The following SDK1 variants were observed in gnomAD, a reference collection of about 807,000 sequenced individuals.
The protein encoded by SDK1 is sidekick cell adhesion molecule 1.
Under a neutral mutation model 245.5 loss-of-function variants are expected in SDK1, and 157 were observed. The observed-to-expected ratio is 0.64, with a 90% CI of 0.56 to 0.73. The LOEUF is 0.73. Among genes scored for constraint, SDK1 ranks in the 30% least tolerant of loss-of-function variants. SDK1 has a pLI of 0.00. For synonymous variants in SDK1, 1,647 were observed against 1,278.5 expected (o/e 1.29, Z -6.15); for missense variants, 3,583 against 3,002.3 (o/e 1.19, Z -4.52).
At chr7:4,222,506 G>C (rs1785202154) in intron 40 of SDK1, among the ~76,000 whole-genome samples, 1 of 152,086 alleles carries the variant, frequency 6.6e-6, no homozygotes, top group Non-Finnish European at 1.5e-5. Context: ...TGTTGGCCAG[G>C]CTGGTCTCAA....
chr7:4,061,763 A>C (rs1374034315), intron 19 of SDK1, among the ~76,000 whole-genome samples: 1 of 152,106 alleles, frequency 6.6e-6, no homozygotes. Context: ...CTGGATTAAG[A>C]AAATGTGGCA....
intron 1 of SDK1, among the ~76,000 whole-genome samples, chr7:3,547,176 T>C (rs1779250684): frequency 6.6e-6 from 1 of 152,192 alleles, no homozygotes; most frequent in Non-Finnish European, 1.5e-5. Context: ...GTTTAGAAAT[T>C]AATGTTGTAA....
At chr7:3,874,201 C>T (rs1034333172) in intron 5 of SDK1, among the ~76,000 whole-genome samples, 3 of 152,120 alleles carry the variant, frequency 2.0e-5, no homozygotes, top group Admixed American at 6.6e-5. Context: ...TCATTCTACT[C>T]GAGGCCTAAG....
At chr7:3,908,197 C>G (rs561299127) in intron 5 of SDK1, among the ~76,000 whole-genome samples, 11 of 152,312 alleles carry the variant, frequency 7.2e-5, no homozygotes, top group African/African-American at 2.6e-4. Context: ...GGGCCGTGCG[C>G]ATAACCCGGA....
chr7:3,553,273 A>G (rs1779473400), intron 1 of SDK1, among the ~76,000 whole-genome samples: 1 of 152,208 alleles, frequency 6.6e-6, no homozygotes, highest in Admixed American at 6.5e-5. Flanking sequence ...TTTTCCAATG[A>G]TGAATCTGAA....
At chr7:3,734,964 G>A (rs73304214) in intron 4 of SDK1, among the ~76,000 whole-genome samples, 19,385 of 151,998 alleles carry the variant, frequency 0.13, 1,845 homozygotes, top group African/African-American at 0.26. Context: ...TTCTCCCGAC[G>A]TGCACATCCC....
chr7:4,073,385 G>A (rs918207691), intron 20 of SDK1, among the ~76,000 whole-genome samples: 20 of 152,150 alleles, frequency 1.3e-4, no homozygotes, highest in Non-Finnish European at 2.5e-4. Flanking sequence ...CTAGCTATCC[G>A]TTTGGTTTTT....
rs984854939 is a variant in SDK1 at position 3,756,881 on chromosome 7, C to T, written c.714-64569C>T. On this transcript the variant is annotated intron_variant, in intron 4 of 44. Coordinates refer to ENST00000404826, the MANE Select transcript of SDK1 (RefSeq NM_152744.4). Reference sequence around the variant, plus strand: ...TTTGATGATATCATATCGGGGGCACCGGTCATCACCATGACTTATTCCTGG... The same window carrying T: ...TTTGATGATATCATATCGGGGGCACTGGTCATCACCATGACTTATTCCTGG... 1.5e-4 allele frequency among the ~76,000 whole-genome samples: 23 copies of T among 152,270 alleles called. 1 individual carries two copies. Among genetic ancestry groups the T allele is most frequent in the Admixed American group, 4.6e-4 (7 of 15,292 alleles).
At chr7:3,699,256 A>T (rs970692027) in intron 4 of SDK1, among the ~76,000 whole-genome samples, 1 of 152,176 alleles carries the variant, frequency 6.6e-6, no homozygotes, top group Admixed American at 6.5e-5. Flanking sequence ...GAATATCTCA[A>T]CTTGAATGAG....
intron 1 of SDK1, among the ~76,000 whole-genome samples, chr7:3,551,483 A>C (rs1779408829): frequency 6.6e-6 from 1 of 152,090 alleles, no homozygotes; most frequent in South Asian, 2.1e-4. Flanking sequence ...TGAGCTGATT[A>C]TGGACACATT....
rs780483912 is a variant in SDK1, at chr7:3,619,250, G to A, written c.458+11G>A. On this transcript the variant is annotated intron_variant, in intron 2 of 44. Coordinates refer to ENST00000404826, the MANE Select transcript of SDK1 (RefSeq NM_152744.4). ...CAGCAGCGAATATAAGTAATTGATC[G>A]CTTGAAAAAATAAGATCCCATTTCA... 1.8e-5 allele frequency: 28 copies of A among 1,587,600 alleles called. No individual in the cohort carries two copies. The highest frequency in any genetic ancestry group is 1.6e-4 in the South Asian group (14 of 89,932).
intron 1 of SDK1, among the ~76,000 whole-genome samples, chr7:3,354,603 A>T (rs1327622042): frequency 6.6e-6 from 1 of 152,224 alleles, no homozygotes; most frequent in Non-Finnish European, 1.5e-5. Context: ...TAATCAGTCT[A>T]CATTTTTTTC....
chr7:4,114,526 A>C (rs1399712237), intron 25 of SDK1, among the ~76,000 whole-genome samples: 1 of 152,224 alleles, frequency 6.6e-6, no homozygotes, highest in East Asian at 1.9e-4. Context: ...CTGTTTTCTA[A>C]ATTAGGGATA....
chr7:3,547,835 T>G (rs1779279017), intron 1 of SDK1, among the ~76,000 whole-genome samples: 1 of 152,214 alleles, frequency 6.6e-6, no homozygotes, highest in Non-Finnish European at 1.5e-5. Context: ...CCTTAAAGGA[T>G]GACTTTTTGC....
At chr7:3,727,843 C>A (rs549230436) in intron 4 of SDK1, among the ~76,000 whole-genome samples, 22 of 152,196 alleles carry the variant, frequency 1.4e-4, no homozygotes, top group African/African-American at 4.8e-4. Context: ...CAAGCGAGGT[C>A]CACCGTTTAT....
chr7:4,245,968 A>G (rs1786828183), intron 44 of SDK1, among the ~76,000 whole-genome samples, 163 bp downstream of exon 44: 1 of 152,184 alleles, frequency 6.6e-6, no homozygotes, highest in African/African-American at 2.4e-5. Flanking sequence ...AAGAGCCGAA[A>G]TTCAACCCCA....
At chr7:4,112,724 C>T (rs79669416) in intron 23 of SDK1, among the ~76,000 whole-genome samples, 1,883 of 151,030 alleles carry the variant, frequency 0.012, 37 homozygotes, top group South Asian at 0.078. Context: ...TCTTTGAAGT[C>T]TTTTAGGGGA....
At chr7:4,221,199 G>T (rs1213834749) in intron 39 of SDK1, 40 bp from the exon 40 acceptor site, 2 of 1,608,836 alleles carry the variant, frequency 1.2e-6, no homozygotes, top group South Asian at 2.2e-5. Context: ...GAGCCCCGCA[G>T]GGCTGATGCC....
rs1182214342 is a variant in SDK1 at position 4,011,037 on chromosome 7, C to G, written c.2203C>G (p.Pro735Ala). Reference protein sequence around the residue: ...MTGVTVSGLTPARTYQFRVCA... With the variant: ...MTGVTVSGLTAARTYQFRVCA... ...AGGCGTCACCGTGAGTGGCCTGACTCCGGCTCGTACCTATCAATTCCGGGT... is the reference window on the plus strand; with the variant it reads ...AGGCGTCACCGTGAGTGGCCTGACTGCGGCTCGTACCTATCAATTCCGGGT... The change falls in exon 15 of 45, where the codon CCG (proline) becomes GCG (alanine). Residue 735 changes from proline (P) to alanine (A), a missense_variant. Pro to Ala is a conservative substitution (Grantham distance 27, BLOSUM62 -1). Transcript: ENST00000404826. The G allele has an allele frequency of 1.9e-6, 3 of 1,614,220 alleles. No homozygotes were observed. The highest frequency in any genetic ancestry group is 2.5e-6 in the Non-Finnish European group (3 of 1,180,044).
Sources: gnomAD v4.1 joint callset for allele counts (sites outside exome capture counted in the v4.1 genomes callset) on GRCh38, gnomAD v4.1.1 for gene constraint, MANE v1.5 for transcripts, NCBI Gene and HGNC (gene_info 2026-07-23, HGNC 2026-07-21) for gene names.